Variants in PENK observed in about 807,000 individuals in gnomAD.
PENK encodes proenkephalin, also known as proenkephalin-A.
Under a neutral mutation model 24.1 loss-of-function variants are expected in PENK, and 25 were observed. The observed-to-expected ratio is 1.04, with a 90% CI of 0.76 to 1.45. The LOEUF is 1.45. Among genes scored for constraint, PENK ranks in the 40% most tolerant of loss-of-function variants. The pLI is 0.00. For missense variants in PENK, 353 were observed against 337.9 expected (o/e 1.04, Z -0.35); for synonymous variants, 135 against 130.3 (o/e 1.04, Z -0.24).
rs1804565699 is a variant in PENK at position 56,441,857 on chromosome 8, T to C, written c.219A>G (p.Lys73=). Residue 73 remains lysine (K), a synonymous_variant, in exon 4 of 4, where the codon AAA becomes AAG. Coordinates refer to ENST00000451791, the MANE Select transcript of PENK (RefSeq NM_001135690.3). The part of the protein sequence containing the change: ...ETCKELLQLS[K]PELPQDGTST... ...TGGTGCCATCTTGAGGAAGCTCTGG[T>C]TTGGACAGCTGCAGGAGCTCCTTGC... is the stretch of plus-strand genomic sequence containing the variant. The C allele has an allele frequency of 6.2e-7, 1 of 1,614,126 alleles. No homozygotes were observed. The highest frequency in any genetic ancestry group is 1.3e-5 in the African/African-American group (1 of 75,026).
chr8:56,445,420 G>GT, intron 3 of PENK: 1 of 444,002 alleles, frequency 2.3e-6, no homozygotes, highest in Admixed American at 3.7e-5. Flanking sequence ...GCGTGTGGAG[G>GT]GGCCCTTAGC....
At chr8:56,446,059 A>T (rs1394885662) in intron 2 of PENK, 103 bp from the exon 3 acceptor site, 1 of 1,319,268 alleles carries the variant, frequency 7.6e-7, no homozygotes, top group South Asian at 1.5e-5. Context: ...ATCGTCGAGC[A>T]AAAGCCCGCA....
At chr8:56,446,006 G>A (rs1013236393) in intron 2 of PENK, 50 bp from the exon 3 acceptor site, 21 of 1,373,292 alleles carry the variant, frequency 1.5e-5, no homozygotes, top group Middle Eastern at 2.5e-4. Flanking sequence ...GCGCAGAACG[G>A]GGTCCCTCGG....
chr8:56,445,975 G>C lies in PENK; in HGVS notation c.-3-19C>G, dbSNP rs1054607162. 6.4e-7 allele frequency: 1 copy of C among 1,572,390 alleles called. No homozygotes were observed. Among genetic ancestry groups the C allele is most frequent in the Non-Finnish European group, 8.6e-7 (1 of 1,159,694 alleles). On this transcript the variant is annotated intron_variant, in intron 2 of 3. Transcript: ENST00000451791. ...CCATGGACTGCGAGGAGAGAGGGACGCGTGCTTCGAGCCTGCCTGGGCGCA... is the reference window on the plus strand; with the variant it reads ...CCATGGACTGCGAGGAGAGAGGGACCCGTGCTTCGAGCCTGCCTGGGCGCA...
intron 2 of PENK, 138 bp from the exon 3 acceptor site, chr8:56,446,094 C>T (rs1804659716): frequency 2.1e-6 from 2 of 964,614 alleles, no homozygotes; most frequent in Admixed American, 2.9e-5. Context: ...TGGGGCCCCG[C>T]CCTCCCGGCC....
At position 56,441,669 on chromosome 8, in the gene PENK, T is replaced by A; in HGVS notation, c.407A>T (p.Tyr136Phe). The change falls in exon 4 of 4, where the codon TAT (tyrosine) becomes TTT (phenylalanine). Residue 136 changes from tyrosine to phenylalanine, a missense_variant. By Grantham distance (22) the Tyr-to-Phe change is conservative. Transcript: ENST00000451791. Reference protein sequence around the residue: ...ANGSEILAKRYGGFMKKDAEE... With the variant: ...ANGSEILAKRFGGFMKKDAEE... ...TGCATCCTTCTTCATGAAGCCCCCATACCGCTTGGCGAGGATCTCACTTCC... is the reference window on the plus strand; with the variant it reads ...TGCATCCTTCTTCATGAAGCCCCCAAACCGCTTGGCGAGGATCTCACTTCC... 1 of 1,614,112 alleles carries A rather than the reference T, an allele frequency of 6.2e-7. No homozygotes were observed. The highest frequency in any genetic ancestry group is 2.2e-5 in the East Asian group (1 of 44,878).
rs775981816 is a variant in PENK at position 56,441,908 on chromosome 8, C to T, written c.168G>A (p.Leu56=). Residue 56 remains leucine, a synonymous_variant, in exon 4 of 4, where the codon CTG becomes CTA. Transcript: ENST00000451791. ...LACVMECEGK[L]PSLKIWETCK... The stretch of plus-strand genomic sequence containing the variant: ...AGGTTTCCCAAATTTTCAGAGAAGG[C>T]AGTTTACCTTCACATTCCATTACGC... 2 of 1,613,480 alleles carry T rather than the reference C, an allele frequency of 1.2e-6. No homozygotes were observed. The highest frequency in any genetic ancestry group is 2.2e-5 in the South Asian group (2 of 91,056).
rs544766976 is a variant in PENK at position 56,442,010 on chromosome 8, C to T, written c.139-73G>A. The T allele has an allele frequency of 4.5e-6, 5 of 1,117,040 alleles. No homozygotes were observed. In the African/African-American group the frequency reaches 6.3e-5, roughly 14 times the overall value. 69.2% of individuals were successfully genotyped at this position (1,117,040 alleles called of 1,614,324 possible). A position where few individuals can be genotyped will look rare whatever the true frequency, so the allele number is the denominator to read the frequency against. ...CATTAAGCAAATGAACTTTTGTGGA[C>T]CAAAATATGCTTGCTTTGACATCAT... On this transcript the variant is annotated intron_variant, in intron 3 of 3. Coordinates refer to ENST00000451791, the MANE Select transcript of PENK (RefSeq NM_001135690.3).
chr8:56,443,972 T>C (rs1218923223), intron 3 of PENK: 5 of 702,184 alleles, frequency 7.1e-6, no homozygotes, highest in Non-Finnish European at 1.3e-5. Context: ...AAAAGCAGTA[T>C]GGAAAATTCT....
rs1236089655 is a variant in PENK, at chr8:56,441,638, C to G, written c.438G>C (p.Glu146Asp). The G allele has an allele frequency of 1.9e-6, 3 of 1,613,892 alleles. No homozygotes were observed. The highest frequency in any genetic ancestry group is 1.1e-5 in the South Asian group (1 of 91,068). Reference sequence around the variant, plus strand: ...CTGAGGAATTGGCCAGCGAGTCGTCCTCCTCTGCATCCTTCTTCATGAAGC... The same window carrying G: ...CTGAGGAATTGGCCAGCGAGTCGTCGTCCTCTGCATCCTTCTTCATGAAGC... ...YGGFMKKDAE[E>D]DDSLANSSDL... The change falls in exon 4 of 4, where the codon GAG (glutamate) becomes GAC (aspartate). Residue 146 changes from glutamate to aspartate, a missense_variant. Coordinates refer to ENST00000451791, the MANE Select transcript of PENK (RefSeq NM_001135690.3).
Position 56,441,196 on chromosome 8 carries a change from A to T in PENK, c.*76T>A. ...ACAAGGCAAGCAACACATGACAATA[A>T]AACACCATCAACAGTTTCCCACTGG... is the stretch of plus-strand genomic sequence containing the variant. On this transcript the variant is annotated 3_prime_UTR_variant, in exon 4 of 4. Coordinates refer to ENST00000451791, the MANE Select transcript of PENK (RefSeq NM_001135690.3). 2 of 1,010,836 alleles carry T rather than the reference A, an allele frequency of 2.0e-6. No homozygotes were observed. Among genetic ancestry groups the T allele is most frequent in the Non-Finnish European group, 3.0e-6 (2 of 673,932 alleles). 62.6% of individuals were successfully genotyped at this position (1,010,836 alleles called of 1,614,324 possible).
Position 56,441,638 on chromosome 8 carries a change from C to T in PENK, c.438G>A (p.Glu146=), listed in dbSNP as rs1236089655. The change falls in exon 4 of 4, where the codon GAG becomes GAA. Residue 146 remains glutamate (E), a synonymous_variant. Coordinates refer to ENST00000451791, the MANE Select transcript of PENK (RefSeq NM_001135690.3). Reference sequence around the variant, plus strand: ...CTGAGGAATTGGCCAGCGAGTCGTCCTCCTCTGCATCCTTCTTCATGAAGC... The same window carrying T: ...CTGAGGAATTGGCCAGCGAGTCGTCTTCCTCTGCATCCTTCTTCATGAAGC... ...YGGFMKKDAE[E]DDSLANSSDL... The T allele has an allele frequency of 6.2e-7, 1 of 1,614,010 alleles. No homozygotes were observed.
rs1379212200 is a variant in PENK, at chr8:56,446,621, G to C, written c.-112C>G. 2 of 152,352 alleles carry C rather than the reference G, an allele frequency of 1.3e-5. No individual in the cohort carries two copies. The highest frequency in any genetic ancestry group is 1.9e-4 in the East Asian group (1 of 5,170). The allele number at this position is 152,352 out of a possible 1,614,324, so 9.4% of individuals were successfully genotyped here. A position where few individuals can be genotyped will look rare whatever the true frequency, so the allele number is the denominator to read the frequency against. Reference sequence around the variant, plus strand: ...GTCACGGGCCAGGCTGCGGGGCTCTGAGCGCCTGCCTCGCCGTCCCGGGGC... The same window carrying C: ...GTCACGGGCCAGGCTGCGGGGCTCTCAGCGCCTGCCTCGCCGTCCCGGGGC... On this transcript the variant is annotated 5_prime_UTR_variant, in exon 1 of 4. Coordinates refer to ENST00000451791, the MANE Select transcript of PENK (RefSeq NM_001135690.3).
intron 3 of PENK, chr8:56,445,282 T>G: frequency 4.9e-6 from 1 of 204,528 alleles, no homozygotes. Context: ...CTCTCTCCTA[T>G]TTACAGGTGA....
intron 3 of PENK, among the ~76,000 whole-genome samples, chr8:56,445,046 C>G (rs946972696): frequency 3.3e-5 from 5 of 151,294 alleles, no homozygotes; most frequent in African/African-American, 1.2e-4. Flanking sequence ...TTCCCCAACC[C>G]CCTGTAGTGC....
At chr8:56,443,762 T>C in intron 3 of PENK, 1 of 417,268 alleles carries the variant, frequency 2.4e-6, no homozygotes. Flanking sequence ...TAAGTAAACC[T>C]TTTGTCATTG....
intron 3 of PENK, chr8:56,445,534 C>G (rs1275353130): frequency 1.7e-6 from 1 of 601,242 alleles, no homozygotes; most frequent in Non-Finnish European, 3.0e-6. Context: ...TCGGGGTTCC[C>G]GAATTCCCAG....
In PENK at chr8:56,445,872, G is replaced by A. The variant is rs556758464; in HGVS notation, c.82C>T (p.Gln28Ter). The A allele has an allele frequency of 6.2e-7, 1 of 1,613,168 alleles. No homozygotes were observed. Among genetic ancestry groups the A allele is most frequent in the East Asian group, 2.2e-5 (1 of 44,880 alleles). The change falls in exon 3 of 4, where the codon CAG becomes TAG. Residue 28 changes from glutamine (Q) to a stop codon, truncating the protein, a stop_gained. Coordinates refer to ENST00000451791, the MANE Select transcript of PENK (RefSeq NM_001135690.3). LOFTEE classifies it high-confidence loss of function. Reference sequence around the variant, plus strand: ...CGGTAGCTGCACGTCGCGCAATCCTGGCTGCATTCGGCCCGCACGGTCGCC... The same window carrying A: ...CGGTAGCTGCACGTCGCGCAATCCTAGCTGCATTCGGCCCGCACGGTCGCC... The part of the protein sequence containing the change: ...LLATVRAECS[Q>*]DCATCSYRLV...
Position 56,441,585 on chromosome 8 carries a change from C to T in PENK, c.491G>A (p.Gly164Glu). 1 of 1,613,988 alleles carries T rather than the reference C, an allele frequency of 6.2e-7. No homozygotes were observed. The highest frequency in any genetic ancestry group is 1.1e-5 in the South Asian group (1 of 91,064). ...SDLLKELLET[G>E]DNRERSHHQD... ...GTGGTGGCTACGCTCTCGGTTGTCC[C>T]CTGTTTCCAGAAGCTCTTTTAGCAG... The change falls in exon 4 of 4, where the codon GGG (glycine) becomes GAG (glutamate). Residue 164 changes from glycine to glutamate, a missense_variant. Gly to Glu is a moderately conservative substitution (Grantham distance 98). Coordinates refer to ENST00000451791, the MANE Select transcript of PENK (RefSeq NM_001135690.3).
Sources: allele counts gnomAD v4.1 joint callset (sites outside exome capture counted in the v4.1 genomes callset), GRCh38; gene constraint gnomAD v4.1.1; transcripts MANE v1.5; gene names NCBI Gene and HGNC (gene_info 2026-07-23, HGNC 2026-07-21).